The following NXPH1 variants were observed in gnomAD, a reference collection of about 807,000 sequenced individuals.
NXPH1 encodes neurexophilin 1.
A neutral mutation model predicts 23.7 loss-of-function variants in NXPH1; 5 were observed. The observed-to-expected ratio is 0.21, with a 90% CI of 0.11 to 0.44. NXPH1 has a LOEUF of 0.44. Ranked by LOEUF, NXPH1 falls within the 20% of genes least tolerant of loss-of-function variation. The pLI is 0.99. For synonymous variants in NXPH1, 144 were observed against 122.2 expected (o/e 1.18, Z -1.18); for missense variants, 324 against 321.6 (o/e 1.01, Z -0.06).
At position 8,752,910 on chromosome 7, in the gene NXPH1, C is replaced by T. The variant is rs941885660; in HGVS notation, c.*1141C>T. The T allele has an allele frequency of 1.3e-5, 2 of 152,304 alleles. No homozygotes were observed. Among genetic ancestry groups the T allele is most frequent in the African/African-American group, 4.8e-5 (2 of 41,346 alleles). 9.4% of individuals were successfully genotyped at this position (152,304 alleles called of 1,614,324 possible). ...CTGTCTGTATTTAGATATTTTATTT[C>T]TGGAAAAAATGAAATGTACATAAAA... On this transcript the variant is annotated 3_prime_UTR_variant, in exon 3 of 3. Transcript: ENST00000405863.
chr7:8,739,020 G>A (rs1780312901), intron 2 of NXPH1, among the ~76,000 whole-genome samples: 1 of 151,948 alleles, frequency 6.6e-6, no homozygotes, highest in Non-Finnish European at 1.5e-5. Flanking sequence ...CTGCTGTGCT[G>A]GCAGCAAGAA....
intron 2 of NXPH1, among the ~76,000 whole-genome samples, chr7:8,471,034 G>C (rs1222444363): frequency 6.6e-6 from 1 of 151,986 alleles, no homozygotes; most frequent in African/African-American, 2.4e-5. Context: ...TCATTTTTTT[G>C]GGTGATTGGG....
At chr7:8,499,051 G>GCCTC (rs1305858253) in intron 2 of NXPH1, among the ~76,000 whole-genome samples, 2 of 152,072 alleles carry the variant, frequency 1.3e-5, no homozygotes, top group Admixed American at 1.3e-4. Context: ...ATAGTGTAAA[G>GCCTC]CCTCCTATCA....
At chr7:8,557,277 AAACAACAAC>A (rs56699161) in intron 2 of NXPH1, among the ~76,000 whole-genome samples, 3 of 151,102 alleles carry the variant, frequency 2.0e-5, no homozygotes, top group South Asian at 2.1e-4. Context: ...TTAAGTGTTA[AAACAACAAC>A]AACAACAACA....
intron 2 of NXPH1, among the ~76,000 whole-genome samples, chr7:8,563,857 G>A: frequency 6.6e-6 from 1 of 151,758 alleles, no homozygotes; most frequent in Non-Finnish European, 1.5e-5. Context: ...AAACCCTGGA[G>A]GGAGCTTAGT....
rs530711096 is a variant in NXPH1, at chr7:8,437,039, T to A, written c.54+1272T>A. On this transcript the variant is annotated intron_variant, in intron 2 of 2. Transcript: ENST00000405863. ...ATCCAAGAACCCTCAATGTTGCCTGTCTTTGCCCCTTTATCGCCTGACCGT... is the reference window on the plus strand; with the variant it reads ...ATCCAAGAACCCTCAATGTTGCCTGACTTTGCCCCTTTATCGCCTGACCGT... 2.7e-4 allele frequency among the ~76,000 whole-genome samples: 41 copies of A among 152,322 alleles called. 1 individual carries two copies. The South Asian group carries it at 6.8e-3, about 25-fold the overall frequency.
At chr7:8,580,703 G>A (rs1410601725) in intron 2 of NXPH1, among the ~76,000 whole-genome samples, 4 of 151,808 alleles carry the variant, frequency 2.6e-5, no homozygotes, top group Admixed American at 2.0e-4. Context: ...CTGAATCTGC[G>A]GCATTCATGC....
At chr7:8,710,468 A>C (rs1486669854) in intron 2 of NXPH1, among the ~76,000 whole-genome samples, 1 of 152,102 alleles carries the variant, frequency 6.6e-6, no homozygotes, top group Non-Finnish European at 1.5e-5. Context: ...TTACATTTTA[A>C]AGAAGCATTT....
chr7:8,749,020 C>T (rs2115234730), intron 2 of NXPH1, among the ~76,000 whole-genome samples: 1 of 152,274 alleles, frequency 6.6e-6, no homozygotes, highest in East Asian at 1.9e-4. Flanking sequence ...GACGAAGGTT[C>T]TCTGCATCTA....
chr7:8,688,187 T>C (rs1185997741), intron 2 of NXPH1, among the ~76,000 whole-genome samples: 1 of 152,106 alleles, frequency 6.6e-6, no homozygotes, highest in African/African-American at 2.4e-5. Context: ...AGCTGACTGA[T>C]CAAAGGGATG....
At chr7:8,449,430 C>T (rs1302474544) in intron 2 of NXPH1, among the ~76,000 whole-genome samples, 6 of 152,300 alleles carry the variant, frequency 3.9e-5, no homozygotes, top group South Asian at 2.1e-4. Context: ...TTGAGGCAAG[C>T]ACTGTGCCAG....
At chr7:8,441,731 C>A (rs1053449522) in intron 2 of NXPH1, among the ~76,000 whole-genome samples, 1 of 152,210 alleles carries the variant, frequency 6.6e-6, no homozygotes, top group Non-Finnish European at 1.5e-5. Flanking sequence ...TTGGCGGCTT[C>A]TTCAAACCCC....
intron 2 of NXPH1, among the ~76,000 whole-genome samples, chr7:8,642,703 T>G (rs1820337104): frequency 6.6e-6 from 1 of 152,172 alleles, no homozygotes; most frequent in African/African-American, 2.4e-5. Context: ...CATATTTTCA[T>G]ATTCCTTATT....
intron 2 of NXPH1, among the ~76,000 whole-genome samples, chr7:8,489,811 C>T (rs1584189889): frequency 6.6e-6 from 1 of 152,186 alleles, no homozygotes; most frequent in East Asian, 1.9e-4. Flanking sequence ...AAATTCAAAC[C>T]TGCTCTCAGT....
At chr7:8,557,898 C>T (rs1818386109) in intron 2 of NXPH1, among the ~76,000 whole-genome samples, 1 of 151,640 alleles carries the variant, frequency 6.6e-6, no homozygotes, top group African/African-American at 2.4e-5. Flanking sequence ...CAGGCAATTG[C>T]TTCTTTACTT....
At chr7:8,566,189 G>C (rs75564778) in intron 2 of NXPH1, among the ~76,000 whole-genome samples, 5 of 151,772 alleles carry the variant, frequency 3.3e-5, no homozygotes. Flanking sequence ...TAGTTCTTTG[G>C]CACCATCGAT....
intron 2 of NXPH1, among the ~76,000 whole-genome samples, chr7:8,658,355 C>T (rs1180749025): frequency 6.6e-6 from 1 of 152,196 alleles, no homozygotes; most frequent in Non-Finnish European, 1.5e-5. Context: ...TTAGTGAACA[C>T]ATTTCCATTT....
intron 2 of NXPH1, among the ~76,000 whole-genome samples, chr7:8,491,579 T>G (rs1423725004): frequency 6.6e-6 from 1 of 152,014 alleles, no homozygotes; most frequent in Non-Finnish European, 1.5e-5. Context: ...AACACAAATA[T>G]TCAGTTAGTG....
At position 8,558,002 on chromosome 7, in the gene NXPH1, T is replaced by A. The variant is rs199554804; in HGVS notation, c.54+122235T>A. ...CCTCTCTGCCCGCACAGTCCTATCA[T>A]AAAAAAAAGGTTCAAAGCACTTCAC... On this transcript the variant is annotated intron_variant, in intron 2 of 2. Coordinates refer to ENST00000405863, the MANE Select transcript of NXPH1 (RefSeq NM_152745.3). Among the ~76,000 whole-genome samples the A allele has an allele frequency of 9.9e-5, 15 of 151,380 alleles. No homozygotes were observed. In the East Asian group the frequency reaches 2.9e-3, roughly 30 times the overall value.
Sources: gnomAD v4.1 joint callset for allele counts (sites outside exome capture counted in the v4.1 genomes callset) on GRCh38, gnomAD v4.1.1 for gene constraint, MANE v1.5 for transcripts, NCBI Gene and HGNC (gene_info 2026-07-23, HGNC 2026-07-21) for gene names.